NUTM2G: variants seen among roughly 807,000 people sequenced by gnomAD.
NUTM2G encodes the protein NUT family member 2G.
In NUTM2G, 29 loss-of-function variants were observed where a neutral mutation model predicts 44.3. The observed-to-expected ratio is 0.66, with a 90% CI of 0.49 to 0.89. NUTM2G has a LOEUF of 0.89. NUTM2G is among the 40% of genes least tolerant of loss of function. The pLI, the probability that NUTM2G is intolerant of heterozygous loss-of-function variation, is 0.00. For missense variants in NUTM2G, 502 were observed against 946.5 expected (o/e 0.53, Z 6.16); for synonymous variants, 205 against 395.9 (o/e 0.52, Z 5.72).
intron 3 of NUTM2G, 149 bp downstream of exon 3, chr9:96,935,605 C>T: frequency 1.3e-6 from 2 of 1,486,466 alleles, no homozygotes; most frequent in South Asian, 2.5e-5. Context: ...CCTCAGGAAG[C>T]TGCTCCTGCC....
At chr9:96,933,331 G>C (rs991939213) in intron 2 of NUTM2G, among the ~76,000 whole-genome samples, 88 of 151,596 alleles carry the variant, frequency 5.8e-4, no homozygotes, top group African/African-American at 1.6e-3. Flanking sequence ...GGTCAGAGAG[G>C]GTTCTTGGTG....
At position 96,937,119 on chromosome 9, in the gene NUTM2G, C is replaced by T. The variant is rs572799896; in HGVS notation, c.1038C>T (p.Pro346=). The T allele has an allele frequency of 2.5e-6, 4 of 1,611,762 alleles. No individual in the cohort carries two copies. The South Asian group carries it at 4.4e-5, about 18-fold the overall frequency. ...CCCCGACTGCCTGCCTGCCACCACC[C>T]AGGCCCCAGAGGCCAGCGGAGACCA... The part of the protein sequence containing the change: ...PKAPTACLPP[P]RPQRPAETKA... Residue 346 remains proline, a synonymous_variant, in exon 5 of 7, where the codon CCC becomes CCT. Transcript: ENST00000372322.
chr9:96,940,767 C>G (rs577916254), downstream of NUTM2G, among the ~76,000 whole-genome samples: 4 of 152,260 alleles, frequency 2.6e-5, no homozygotes, highest in Non-Finnish European at 4.4e-5. Flanking sequence ...ACAAAGGGAG[C>G]CATGTTTGGG....
At chr9:96,929,483 G>T (rs1413454884) in intron 1 of NUTM2G, among the ~76,000 whole-genome samples, 3 of 151,610 alleles carry the variant, frequency 2.0e-5, no homozygotes, top group Non-Finnish European at 4.4e-5. Context: ...GAGAGGAGTG[G>T]GGAGAAGTGG....
intron 4 of NUTM2G, 22 bp downstream of exon 4, chr9:96,936,586 C>T: frequency 1.3e-6 from 2 of 1,549,510 alleles, no homozygotes; most frequent in Non-Finnish European, 1.7e-6. Flanking sequence ...CACATTCCCA[C>T]AGGAGCCATG....
intron 1 of NUTM2G, among the ~76,000 whole-genome samples, chr9:96,930,434 GAA>G (rs1826202926): frequency 6.6e-6 from 1 of 150,848 alleles, no homozygotes; most frequent in African/African-American, 2.4e-5. Flanking sequence ...TGAGGCAGGA[GAA>G]GTGCTTGAAC....
chr9:96,935,493 G>A (rs530433650), intron 3 of NUTM2G, 37 bp downstream of exon 3: 24 of 1,611,924 alleles, frequency 1.5e-5, no homozygotes, highest in Middle Eastern at 2.3e-4. Context: ...CCCGTGTGGC[G>A]GGGTGAGAGT....
intron 2 of NUTM2G, among the ~76,000 whole-genome samples, chr9:96,935,110 G>A (rs1490963066): frequency 3.9e-5 from 6 of 152,172 alleles, no homozygotes; most frequent in African/African-American, 7.2e-5. Context: ...TCATAACACC[G>A]AGGACTTGAG....
At chr9:96,937,566 TTG>T (rs1327560253) in intron 5 of NUTM2G, among the ~76,000 whole-genome samples, 162 bp downstream of exon 5, 4 of 151,892 alleles carry the variant, frequency 2.6e-5, no homozygotes, top group Admixed American at 2.0e-4. Context: ...TGCTGTGTGT[TTG>T]TGTCTGTGAT....
chr9:96,931,616 G>A (rs1826245168), intron 1 of NUTM2G, 106 bp from the exon 2 acceptor site: 1 of 1,169,776 alleles, frequency 8.5e-7, no homozygotes, highest in South Asian at 1.5e-5. Context: ...AAGCTGCAGA[G>A]TTTCCCTGTC....
Position 96,931,735 on chromosome 9 carries a change from G to C in NUTM2G, c.30G>C (p.Leu10=), listed in dbSNP as rs1187802983. 1 of 1,611,430 alleles carries C rather than the reference G, an allele frequency of 6.2e-7. No homozygotes were observed. The highest frequency in any genetic ancestry group is 8.5e-7 in the Non-Finnish European group (1 of 1,179,832). ...TTGTCTCCACAGCATACCCAGTGCT[G>C]GGACCCGGCGTGACCGTGAACCCTG... is the stretch of plus-strand genomic sequence containing the variant. The part of the protein sequence containing the change: MASNGAYPV[L]GPGVTVNPGT... The change falls in exon 2 of 7, where the codon CTG becomes CTC. Residue 10 remains leucine, a synonymous_variant. Transcript: ENST00000372322.
Position 96,936,419 on chromosome 9 carries a change from C to T in NUTM2G, c.843-6C>T. 2 of 1,576,246 alleles carry T rather than the reference C, an allele frequency of 1.3e-6. No individual in the cohort carries two copies. The highest frequency in any genetic ancestry group is 1.7e-6 in the Non-Finnish European group (2 of 1,169,388). ...TCAGCACAGCCTGGGCCTCCTTCAC[C>T]CCCAGGTTCCTGGAGTTTGAGGCTG... On this transcript the variant is annotated splice_polypyrimidine_tract_variant and splice_region_variant and intron_variant, in intron 3 of 6. Coordinates refer to ENST00000372322, the MANE Select transcript of NUTM2G (RefSeq NM_001170741.3).
chr9:96,935,944 G>A (rs535135561), intron 3 of NUTM2G, among the ~76,000 whole-genome samples: 88 of 150,512 alleles, frequency 5.8e-4, no homozygotes, highest in South Asian at 4.7e-3. Context: ...AGAACCGTCC[G>A]TGAAGACAGA....
rs1168888338 is a variant in NUTM2G at position 96,930,872 on chromosome 9, G to GTTTTTTTTT, written c.17-818_17-810dup. On this transcript the variant is annotated intron_variant, in intron 1 of 6. Transcript: ENST00000372322. ...GGCTTGGGCGAGTTTCCATCCAGTG[G>GTTTTTTTTT]TTTTTTTTTTTTTTTTTTTTTTTTT... Among the ~76,000 whole-genome samples, 26 of 72,724 alleles carry GTTTTTTTTT rather than the reference G, an allele frequency of 3.6e-4. 7 individuals are homozygous for GTTTTTTTTT. Among genetic ancestry groups the GTTTTTTTTT allele is most frequent in the African/African-American group, 6.3e-4 (11 of 17,570 alleles). The allele number at this position is 72,724 out of a possible 152,430, so 47.7% of individuals were successfully genotyped here.
At chr9:96,929,869 G>A (rs1206153811) in intron 1 of NUTM2G, among the ~76,000 whole-genome samples, 4 of 151,290 alleles carry the variant, frequency 2.6e-5, no homozygotes, top group South Asian at 2.1e-4. Flanking sequence ...ATGAACGGGC[G>A]ACAGGTGTGG....
chr9:96,931,900 G>T lies in NUTM2G; in HGVS notation c.195G>T (p.Val65=). 6.2e-7 allele frequency: 1 copy of T among 1,612,238 alleles called. No individual in the cohort carries two copies. The highest frequency in any genetic ancestry group is 8.5e-7 in the Non-Finnish European group (1 of 1,179,832). Residue 65 remains valine, a synonymous_variant, in exon 2 of 7, where the codon GTG becomes GTT. Transcript: ENST00000372322. The stretch of plus-strand genomic sequence containing the variant: ...CTGCCTTCCCCAGCACCCCTCTAGT[G>T]GCAGGACAGGATGGCCGCGGCCCAA... ...VLSAFPSTPL[V]AGQDGRGPSG...
chr9:96,935,244 A>C, intron 2 of NUTM2G, 84 bp from the exon 3 acceptor site: 1 of 1,583,676 alleles, frequency 6.3e-7, no homozygotes, highest in South Asian at 1.1e-5. Flanking sequence ...AGGTGTGGGG[A>C]GGACAGGAGC....
chr9:96,937,589 G>A (rs1826478517), intron 5 of NUTM2G, among the ~76,000 whole-genome samples, 185 bp downstream of exon 5: 1 of 152,118 alleles, frequency 6.6e-6, no homozygotes, highest in Non-Finnish European at 1.5e-5. Context: ...TTGTTACTGT[G>A]TCTTTGTGTG....
intron 5 of NUTM2G, among the ~76,000 whole-genome samples, chr9:96,937,671 G>GGTCTGTGT (rs1369585071): frequency 6.6e-6 from 1 of 151,010 alleles, no homozygotes; most frequent in Admixed American, 6.6e-5. Flanking sequence ...GTTGTACATG[G>GGTCTGTGT]GTCTGTGTGT....
Sources: gnomAD v4.1 joint callset for allele counts (sites outside exome capture counted in the v4.1 genomes callset) on GRCh38, gnomAD v4.1.1 for gene constraint, MANE v1.5 for transcripts, NCBI Gene and HGNC (gene_info 2026-07-23, HGNC 2026-07-21) for gene names.